The following FES variants were observed in gnomAD, a reference collection of about 807,000 sequenced individuals.
The protein encoded by FES is tyrosine-protein kinase Fes/Fps.
Under a neutral mutation model 109.6 loss-of-function variants are expected in FES, and 83 were observed. The observed-to-expected ratio is 0.76, with a 90% CI of 0.63 to 0.91. The LOEUF is 0.91. Ranked by LOEUF, FES falls within the 40% of genes least tolerant of loss-of-function variation. FES has a pLI of 0.00. For missense variants in FES, 943 were observed against 1,070.9 expected, an observed-to-expected ratio of 0.88 and a Z score of 1.67; for synonymous variants, 458 against 442.1, an observed-to-expected ratio of 1.04 and a Z score of -0.45.
At position 90,885,442 on chromosome 15, in the gene FES, G is replaced by A. The variant is rs768887383; in HGVS notation, c.244G>A (p.Gly82Ser). 6.2e-7 allele frequency: 1 copy of A among 1,613,246 alleles called. No individual in the cohort carries two copies. Among genetic ancestry groups the A allele is most frequent in the Non-Finnish European group, 8.5e-7 (1 of 1,179,982 alleles). ...GGCTGAGATCACCAGCCAAACTGAG[G>A]GCCTGAGCCGCTTGCTGCGGCAGCA... ...SWAEITSQTE[G>S]LSRLLRQHAE... Residue 82 changes from glycine (G) to serine (S), a missense_variant, in exon 3 of 19, where the codon GGC becomes AGC. Gly to Ser is a moderately conservative substitution (Grantham distance 56). Transcript: ENST00000328850.
chr15:90,894,204 C>A (rs1190449303), intron 18 of FES, 146 bp downstream of exon 18: 1 of 941,154 alleles, frequency 1.1e-6, no homozygotes, highest in East Asian at 2.4e-5. Flanking sequence ...CATCCCAGCA[C>A]TTTGGGAGGC....
At chr15:90,885,683 G>GT (rs2032535820) in intron 3 of FES, 98 bp downstream of exon 3, 2 of 1,487,412 alleles carry the variant, frequency 1.3e-6, no homozygotes, top group African/African-American at 1.4e-5. Flanking sequence ...CTGGGGAAGT[G>GT]TAAGTCCCTG....
In FES at chr15:90,894,057, G is replaced by A. The variant is rs145528317; in HGVS notation, c.2325G>A (p.Lys775=). ...AGCAGACACGGGAGTTTGTGGAGAA[G>A]GGTAAGCACCCTGTGATGACAGCAG... ...SNQQTREFVE[K]GGRLPCPELC... Residue 775 remains lysine, a splice_region_variant and synonymous_variant, in exon 18 of 19, where the codon AAG becomes AAA. Coordinates refer to ENST00000328850, the MANE Select transcript of FES (RefSeq NM_002005.4). The A allele has an allele frequency of 3.7e-5, 60 of 1,613,654 alleles. No individual in the cohort carries two copies. The African/African-American group carries it at 7.1e-4, about 19-fold the overall frequency.
Position 90,886,859 on chromosome 15 carries a change from C to T in FES, c.388-102C>T. 3 of 1,035,028 alleles carry T rather than the reference C, an allele frequency of 2.9e-6. 1 individual carries two copies. The Admixed American group carries it at 6.1e-5, about 21-fold the overall frequency. The allele number at this position is 1,035,028 out of a possible 1,614,324, so 64.1% of individuals were successfully genotyped here. The stretch of plus-strand genomic sequence containing the variant: ...CAGCTTTCCCAGAAGTCTCCAGGTG[C>T]TCCTTGCCTGACGACAGGACCTTTC... On this transcript the variant is annotated intron_variant, in intron 3 of 18. Transcript: ENST00000328850.
chr15:90,886,081 A>G (rs1003072570), intron 3 of FES, among the ~76,000 whole-genome samples: 5 of 152,166 alleles, frequency 3.3e-5, no homozygotes, highest in African/African-American at 7.2e-5. Context: ...GTGATTTGGA[A>G]CTATTTATCT....
At chr15:90,884,735 C>T (rs940164942) in intron 1 of FES, 191 bp downstream of exon 1, 3 of 273,892 alleles carry the variant, frequency 1.1e-5, no homozygotes, top group South Asian at 5.8e-5. Flanking sequence ...CTTGGCCTGT[C>T]GAGGACCTGG....
At chr15:90,893,879 G>A (rs201178576) in intron 17 of FES, 57 bp from the exon 18 acceptor site, 89 of 1,609,656 alleles carry the variant, frequency 5.5e-5, no homozygotes, top group Non-Finnish European at 7.1e-5. Context: ...CGGCTGCCTC[G>A]CCCTGGCCCC....
In FES at chr15:90,887,267, G is replaced by A. The variant is rs750585753; in HGVS notation, c.565G>A (p.Gly189Ser). 4.3e-6 allele frequency: 7 copies of A among 1,613,354 alleles called. No homozygotes were observed. In the South Asian group the frequency reaches 5.5e-5, roughly 13 times the overall value. The change falls in exon 5 of 19, where the codon GGC (glycine) becomes AGC (serine). Residue 189 changes from glycine (G) to serine (S), a missense_variant. Physicochemically the swap from Gly to Ser is moderately conservative, Grantham distance 56. Coordinates refer to ENST00000328850, the MANE Select transcript of FES (RefSeq NM_002005.4). ...TGCTCACCACAACCGCTATGTGCTG[G>A]GCGTGCGGGCTGCGCAGCTACACCA... ...LFAHHNRYVL[G>S]VRAAQLHHQH... is the part of the protein sequence containing the mutation.
At chr15:90,893,464 A>G (rs2033423251) in intron 16 of FES, 50 bp downstream of exon 16, 1 of 1,514,100 alleles carries the variant, frequency 6.6e-7, no homozygotes, top group South Asian at 1.3e-5. Context: ...ACCAGAGTCA[A>G]GAGGTACCTA....
chr15:90,886,670 G>A (rs546446879), intron 3 of FES, among the ~76,000 whole-genome samples: 2 of 152,338 alleles, frequency 1.3e-5, no homozygotes, highest in Non-Finnish European at 2.9e-5. Flanking sequence ...GTGGAGCCCC[G>A]TGTGACTGCA....
chr15:90,891,058 CGAGGGCA>C lies in FES; in HGVS notation c.1402_1408del (p.Ala468TrpfsTer62), dbSNP rs2033170608. On this transcript the variant is annotated frameshift_variant, in exon 11 of 19. Coordinates refer to ENST00000328850, the MANE Select transcript of FES (RefSeq NM_002005.4). LOFTEE classifies it high-confidence loss of function. ...CAGCTGTGGTACCACGGGGCCATCC[CGAGGGCA>C]GAGGTGGCTGAGCTGCTGGTGCACT... 1 of 1,598,620 alleles carries C rather than the reference CGAGGGCA, an allele frequency of 6.3e-7. No individual in the cohort carries two copies. The highest frequency in any genetic ancestry group is 1.7e-5 in the Admixed American group (1 of 57,774).
chr15:90,890,901 GGA>G (rs2033151332), intron 10 of FES, 79 bp from the exon 11 acceptor site: 12 of 1,351,084 alleles, frequency 8.9e-6, no homozygotes, highest in Non-Finnish European at 1.2e-5. Context: ...CATATAGGGG[GGA>G]GAGAGAGACC....
chr15:90,891,997 T>C, intron 12 of FES, 61 bp from the exon 13 acceptor site: 1 of 1,600,932 alleles, frequency 6.2e-7, no homozygotes, highest in South Asian at 1.1e-5. Context: ...ACACAGCCCT[T>C]CTAAGGGCCC....
At chr15:90,892,890 T>A in intron 14 of FES, 65 bp downstream of exon 14, 1 of 1,522,102 alleles carries the variant, frequency 6.6e-7, no homozygotes, top group Non-Finnish European at 9.1e-7. Context: ...CATGGCACAG[T>A]GTGAAGTGCT....
rs749106576 is a variant in FES, at chr15:90,885,231, C to T, written c.186C>T (p.Ala62=). The change falls in exon 2 of 19, where the codon GCC becomes GCT. Residue 62 remains alanine, a synonymous_variant. Transcript: ENST00000328850. ...AGGACAGTGGGGGCCAGAGCCGGGCCATCAGCCCTGACAGCCCCATCAGTC... is the reference window on the plus strand; with the variant it reads ...AGGACAGTGGGGGCCAGAGCCGGGCTATCAGCCCTGACAGCCCCATCAGTC... The part of the protein sequence containing the change: ...SLQDSGGQSR[A]ISPDSPISQS... 1.2e-5 allele frequency: 19 copies of T among 1,613,124 alleles called. No homozygotes were observed. In the South Asian group the frequency reaches 1.9e-4, roughly 16 times the overall value.
At position 90,890,271 on chromosome 15, in the gene FES, C is replaced by A; in HGVS notation, c.1229C>A (p.Ser410Ter). 1 of 1,591,190 alleles carries A rather than the reference C, an allele frequency of 6.3e-7. No homozygotes were observed. The highest frequency in any genetic ancestry group is 1.1e-5 in the South Asian group (1 of 90,584). ...LLLQDDRHST[S>*]SSEQEREGGR... is the part of the protein sequence containing the mutation. Reference sequence around the variant, plus strand: ...CTGCAGGATGACCGCCACTCCACGTCGTCCTCGGTGAGCTGCCCCATCCGC... The same window carrying A: ...CTGCAGGATGACCGCCACTCCACGTAGTCCTCGGTGAGCTGCCCCATCCGC... The change falls in exon 9 of 19, where the codon TCG becomes TAG. Residue 410 changes from serine to a stop codon, truncating the protein, a stop_gained. Transcript: ENST00000328850. LOFTEE classifies it high-confidence loss of function.
chr15:90,890,047 C>T lies in FES; in HGVS notation c.1050-45C>T, dbSNP rs370382976. 8.9e-6 allele frequency: 14 copies of T among 1,576,504 alleles called. No homozygotes were observed. The East Asian group carries it at 9.1e-5, about 10-fold the overall frequency. ...CTGCTGCTGGCTACCCGCCGCAGAC[C>T]GAGCCCTTATTCTCATCCACCCTCC... On this transcript the variant is annotated intron_variant, in intron 8 of 18. Coordinates refer to ENST00000328850, the MANE Select transcript of FES (RefSeq NM_002005.4).
chr15:90,889,284 G>A lies in FES; in HGVS notation c.669-22G>A. The A allele has an allele frequency of 6.2e-7, 1 of 1,611,730 alleles. No homozygotes were observed. The highest frequency in any genetic ancestry group is 8.5e-7 in the Non-Finnish European group (1 of 1,179,264). On this transcript the variant is annotated intron_variant, in intron 5 of 18. Transcript: ENST00000328850. The surrounding 1 kb of genome is among the most constrained non-coding windows in gnomAD (Gnocchi z 6.1). Reference sequence around the variant, plus strand: ...TGCCCAGCCTGAGGCTCCCCTGACTGGGGATCCCGTCTCGGGGGCAGGAAG... The same window carrying A: ...TGCCCAGCCTGAGGCTCCCCTGACTAGGGATCCCGTCTCGGGGGCAGGAAG...
Position 90,895,525 on chromosome 15 carries a change from G to C in FES, c.2436G>C (p.Gln812His), listed in dbSNP as rs760994761. ...GQRPSFSTIY[Q>H]ELQSIRKRHR ...GGCCCAGCTTCAGCACCATCTACCA[G>C]GAGCTGCAGAGCATCCGAAAGCGGC... Residue 812 changes from glutamine (Q) to histidine (H), a missense_variant, in exon 19 of 19, where the codon CAG becomes CAC. Gln to His is a conservative substitution (Grantham distance 24). Coordinates refer to ENST00000328850, the MANE Select transcript of FES (RefSeq NM_002005.4). 1.3e-6 allele frequency: 2 copies of C among 1,596,500 alleles called. No homozygotes were observed. The highest frequency in any genetic ancestry group is 8.5e-7 in the Non-Finnish European group (1 of 1,170,400).
Sources: allele counts gnomAD v4.1 joint callset (sites outside exome capture counted in the v4.1 genomes callset), GRCh38; gene constraint gnomAD v4.1.1; non-coding constraint Gnocchi (gnomAD v3.1); transcripts MANE v1.5; gene names NCBI Gene and HGNC (gene_info 2026-07-23, HGNC 2026-07-21).